The following ACTN1 variants were observed in gnomAD, a reference collection of about 807,000 sequenced individuals.
The protein encoded by ACTN1 is actinin alpha 1.
Under a neutral mutation model 119.6 loss-of-function variants are expected in ACTN1, and 30 were observed. The observed-to-expected ratio is 0.25, with a 90% CI of 0.19 to 0.34. The LOEUF (loss-of-function observed/expected upper bound fraction) is 0.34. Among genes scored for constraint, ACTN1 ranks in the 10% least tolerant of loss-of-function variants. ACTN1 has a pLI of 1.00. For synonymous variants in ACTN1, 429 were observed against 472.6 expected, an observed-to-expected ratio of 0.91 and a Z score of 1.20; for missense variants, 764 against 1,223.4, an observed-to-expected ratio of 0.62 and a Z score of 5.60.
chr14:68,914,550 G>A (rs941227693), intron 3 of ACTN1, among the ~76,000 whole-genome samples: 5 of 152,176 alleles, frequency 3.3e-5, no homozygotes, highest in African/African-American at 1.2e-4. Flanking sequence ...AGGATCGCTT[G>A]AGCCCAGGAG....
At chr14:68,905,261 C>T (rs2033597681) in intron 6 of ACTN1, among the ~76,000 whole-genome samples, 1 of 152,250 alleles carries the variant, frequency 6.6e-6, no homozygotes, top group South Asian at 2.1e-4. Flanking sequence ...CAGCTTTGGA[C>T]TATTCTGGCT....
At chr14:68,940,230 G>A (rs2035718462) in intron 1 of ACTN1, among the ~76,000 whole-genome samples, 1 of 152,206 alleles carries the variant, frequency 6.6e-6, no homozygotes, top group Non-Finnish European at 1.5e-5. Flanking sequence ...CCCCAAAGAA[G>A]GAAAAGCCAC....
rs141190541 is a variant in ACTN1, at chr14:68,925,117, C to G, written c.220+441G>C. On this transcript the variant is annotated intron_variant, in intron 2 of 21. Transcript: ENST00000394419. This position sits in a 1 kb window ranked among gnomAD's most constrained non-coding sequence, Gnocchi z 4.3. Reference sequence around the variant, plus strand: ...ATGGTGGCAGAAAGGCATTCATAAGCAGGATGAGATGTGTGTTCCAGTAGA... The same window carrying G: ...ATGGTGGCAGAAAGGCATTCATAAGGAGGATGAGATGTGTGTTCCAGTAGA... Among the ~76,000 whole-genome samples the G allele has an allele frequency of 1.5e-3, 230 of 152,212 alleles. No individual in the cohort carries two copies. The highest frequency in any genetic ancestry group is 5.1e-3 in the African/African-American group (213 of 41,532).
In ACTN1 at chr14:68,874,736, G is replaced by C. The variant is rs578254736; in HGVS notation, c.*123C>G. 8.0e-6 allele frequency: 8 copies of C among 1,002,628 alleles called. No homozygotes were observed. The Admixed American group carries it at 2.4e-4, about 30-fold the overall frequency. 62.1% of individuals were successfully genotyped at this position (1,002,628 alleles called of 1,614,324 possible). On this transcript the variant is annotated 3_prime_UTR_variant, in exon 22 of 22. Transcript: ENST00000394419. Reference sequence around the variant, plus strand: ...CGCGGGCAGGGAGGATCGATGCCACGTGGGCCCCAGCTCACCCGGGTGGAG... The same window carrying C: ...CGCGGGCAGGGAGGATCGATGCCACCTGGGCCCCAGCTCACCCGGGTGGAG...
intron 8 of ACTN1, among the ~76,000 whole-genome samples, chr14:68,899,449 T>C: frequency 9.2e-6 from 1 of 108,338 alleles, no homozygotes; most frequent in African/African-American, 4.0e-5. Context: ...GACACACACC[T>C]TACACACCAC....
At chr14:68,927,754 C>T (rs1341554116) in intron 1 of ACTN1, among the ~76,000 whole-genome samples, 2 of 152,186 alleles carry the variant, frequency 1.3e-5, no homozygotes, top group East Asian at 3.8e-4. Flanking sequence ...AGCCTTTATC[C>T]TTATTTTAAC....
At chr14:68,950,467 T>TATATATATATATATATATATATATAG (rs1183592989) in intron 1 of ACTN1, among the ~76,000 whole-genome samples, 1 of 148,508 alleles carries the variant, frequency 6.7e-6, no homozygotes, top group African/African-American at 2.6e-5. Context: ...TGTGTGTATA[T>TATATATATATATATATATATATATAG]ATATATATAT....
chr14:68,908,503 A>C (rs1179496635), intron 6 of ACTN1, among the ~76,000 whole-genome samples: 1 of 152,232 alleles, frequency 6.6e-6, no homozygotes, highest in African/African-American at 2.4e-5. Flanking sequence ...GAGCACAGAT[A>C]GGCGACATTC....
intron 6 of ACTN1, among the ~76,000 whole-genome samples, chr14:68,905,009 A>T (rs950185150): frequency 6.6e-6 from 1 of 152,202 alleles, no homozygotes; most frequent in Non-Finnish European, 1.5e-5. Context: ...GGTAGGAAGG[A>T]GTTCCTAAGA....
intron 8 of ACTN1, among the ~76,000 whole-genome samples, chr14:68,899,848 C>T (rs1344689804): frequency 6.6e-6 from 1 of 152,208 alleles, no homozygotes; most frequent in African/African-American, 2.4e-5. Context: ...AGCCTGACCA[C>T]GGACACGGGC....
intron 1 of ACTN1, among the ~76,000 whole-genome samples, chr14:68,967,584 T>G (rs1236466317): frequency 6.6e-6 from 1 of 152,204 alleles, no homozygotes; most frequent in African/African-American, 2.4e-5. Context: ...TTCACAACAG[T>G]GCCCCAAGAA....
At chr14:68,953,074 G>GT (rs1489041577) in intron 1 of ACTN1, among the ~76,000 whole-genome samples, 1 of 152,146 alleles carries the variant, frequency 6.6e-6, no homozygotes, top group Non-Finnish European at 1.5e-5. Context: ...ACCCACCCCT[G>GT]TCCCCAGGGG....
At chr14:68,966,335 C>A (rs1263607766) in intron 1 of ACTN1, among the ~76,000 whole-genome samples, 1 of 152,204 alleles carries the variant, frequency 6.6e-6, no homozygotes, top group African/African-American at 2.4e-5. Context: ...AGATCATCTG[C>A]ATGTGATAAT....
intron 3 of ACTN1, among the ~76,000 whole-genome samples, chr14:68,916,475 A>T (rs2034300091): frequency 6.6e-6 from 1 of 152,220 alleles, no homozygotes; most frequent in Non-Finnish European, 1.5e-5. Context: ...CACTCCAGAA[A>T]ACAGAGGCGC....
At chr14:68,945,756 C>T (rs894324669) in intron 1 of ACTN1, among the ~76,000 whole-genome samples, 2 of 152,210 alleles carry the variant, frequency 1.3e-5, no homozygotes, top group African/African-American at 4.8e-5. Flanking sequence ...CAGCTTTGCA[C>T]CCATACTCCC....
chr14:68,979,201 C>T lies in ACTN1; in HGVS notation c.-145G>A. The T allele has an allele frequency of 2.0e-6, 1 of 506,718 alleles. No homozygotes were observed. Among genetic ancestry groups the T allele is most frequent in the Non-Finnish European group, 3.4e-6 (1 of 297,816 alleles). 31.4% of individuals were successfully genotyped at this position (506,718 alleles called of 1,614,324 possible). ...CGCTCCCCTGCGCCCGGTTCCGCCG[C>T]GGCGCTGCTGGCGAAGGCTGCTACT... On this transcript the variant is annotated 5_prime_UTR_variant, in exon 1 of 22. Coordinates refer to ENST00000394419, the MANE Select transcript of ACTN1 (RefSeq NM_001130004.2).
chr14:68,968,573 C>G (rs751334528), intron 1 of ACTN1, among the ~76,000 whole-genome samples: 1 of 152,232 alleles, frequency 6.6e-6, no homozygotes, highest in Non-Finnish European at 1.5e-5. Context: ...CAGCGGTTAA[C>G]TCCGGTGAGG....
chr14:68,937,267 G>A (rs886360030), intron 1 of ACTN1, among the ~76,000 whole-genome samples: 2 of 152,084 alleles, frequency 1.3e-5, no homozygotes, highest in African/African-American at 4.8e-5. Context: ...GTCTGTCTGG[G>A]AATATATACA....
At position 68,879,174 on chromosome 14, in the gene ACTN1, G is replaced by A; in HGVS notation, c.2281-105C>T. 3 of 540,820 alleles carry A rather than the reference G, an allele frequency of 5.5e-6. No homozygotes were observed. Among genetic ancestry groups the A allele is most frequent in the Non-Finnish European group, 8.9e-6 (3 of 338,274 alleles). 33.5% of individuals were successfully genotyped at this position (540,820 alleles called of 1,614,324 possible). On this transcript the variant is annotated intron_variant, in intron 18 of 21. Coordinates refer to ENST00000394419, the MANE Select transcript of ACTN1 (RefSeq NM_001130004.2). The surrounding 1 kb of genome is among the most constrained non-coding windows in gnomAD (Gnocchi z 4.9). ...GGTGGCGTGTGTGGGGAGACACAGG[G>A]ACAGGCATGCGGAGGGAGGGTGGGG...
Sources: gnomAD v4.1 joint callset for allele counts (sites outside exome capture counted in the v4.1 genomes callset) on GRCh38, gnomAD v4.1.1 for gene constraint, Gnocchi (gnomAD v3.1) non-coding constraint, MANE v1.5 for transcripts, NCBI Gene and HGNC (gene_info 2026-07-23, HGNC 2026-07-21) for gene names.